Variants in TMTC2 observed in about 807,000 individuals in gnomAD.
The protein encoded by TMTC2 is transmembrane O-mannosyltransferase targeting cadherins 2, also known as protein O-mannosyl-transferase TMTC2.
A neutral mutation model predicts 82.4 loss-of-function variants in TMTC2; 43 were observed. The ratio of observed to expected loss-of-function variants is 0.52; its 90% confidence interval spans 0.41 to 0.67. TMTC2 has a LOEUF of 0.67. Ranked by LOEUF, TMTC2 falls within the 30% of genes least tolerant of loss-of-function variation. The pLI, the probability that TMTC2 is intolerant of heterozygous loss-of-function variation, is 0.00. For missense variants in TMTC2, 919 were observed against 1,012.4 expected, an observed-to-expected ratio of 0.91 and a Z score of 1.25; for synonymous variants, 408 against 381.9, an observed-to-expected ratio of 1.07 and a Z score of -0.80.
intron 1 of TMTC2, among the ~76,000 whole-genome samples, chr12:82,793,656 CCTT>C (rs752712584): frequency 6.6e-6 from 1 of 151,976 alleles, no homozygotes; most frequent in Non-Finnish European, 1.5e-5. Flanking sequence ...TTTAAAAACG[CCTT>C]CTTCCCGTGC....
intron 9 of TMTC2, among the ~76,000 whole-genome samples, chr12:83,047,301 C>T (rs1278380958): frequency 6.6e-6 from 1 of 152,146 alleles, no homozygotes; most frequent in African/African-American, 2.4e-5. Flanking sequence ...TAACATATCA[C>T]TTTAGGTTCT....
chr12:82,823,044 GC>G (rs576522694), intron 1 of TMTC2, among the ~76,000 whole-genome samples: 3 of 152,168 alleles, frequency 2.0e-5, no homozygotes, highest in Non-Finnish European at 4.4e-5. Context: ...AGTATTCTGA[GC>G]ACTTTTAACT....
intron 1 of TMTC2, among the ~76,000 whole-genome samples, chr12:82,688,700 T>A (rs1872447205): frequency 6.6e-6 from 1 of 152,158 alleles, no homozygotes. Flanking sequence ...AATTAAACCA[T>A]CCAAAAAGTG....
intron 1 of TMTC2, among the ~76,000 whole-genome samples, chr12:82,793,826 A>G (rs10746257): frequency 0.35 from 52,582 of 151,948 alleles, 9,361 homozygotes; most frequent in Middle Eastern, 0.55. Context: ...TGCAGCGTGT[A>G]AAGGCTCAGT....
chr12:83,123,811 T>C (rs1361818140), intron 11 of TMTC2, among the ~76,000 whole-genome samples: 2 of 152,216 alleles, frequency 1.3e-5, no homozygotes, highest in Non-Finnish European at 1.5e-5. Context: ...GTTCATGTCA[T>C]ATTCTCATTC....
intron 1 of TMTC2, among the ~76,000 whole-genome samples, chr12:82,703,288 G>A (rs949590713): frequency 6.6e-6 from 1 of 152,084 alleles, no homozygotes; most frequent in Non-Finnish European, 1.5e-5. Flanking sequence ...TCTATTATGA[G>A]GGGAGAAGTT....
In TMTC2 at chr12:83,108,633, A is replaced by G. The variant is rs1489791325; in HGVS notation, c.2332-23577A>G. Reference sequence around the variant, plus strand: ...TGACAGAGCTAGACTCCATCTCAAAAAAAAAAAAAAAGTGAACTACAACAC... The same window carrying G: ...TGACAGAGCTAGACTCCATCTCAAAGAAAAAAAAAAAGTGAACTACAACAC... On this transcript the variant is annotated intron_variant, in intron 11 of 11. Coordinates refer to ENST00000321196, the MANE Select transcript of TMTC2 (RefSeq NM_152588.3). Among the ~76,000 whole-genome samples, 6 of 151,866 alleles carry G rather than the reference A, an allele frequency of 4.0e-5. No individual in the cohort carries two copies. In the East Asian group the frequency reaches 9.6e-4, roughly 24 times the overall value.
chr12:82,965,613 G>GC lies in TMTC2; in HGVS notation c.1741dup (p.Arg581ProfsTer13). 4 of 1,613,706 alleles carry GC rather than the reference G, an allele frequency of 2.5e-6. No individual in the cohort carries two copies. The highest frequency in any genetic ancestry group is 3.4e-6 in the Non-Finnish European group (4 of 1,179,744). On this transcript the variant is annotated frameshift_variant, in exon 6 of 12. Transcript: ENST00000321196. LOFTEE classifies it high-confidence loss of function. Reference sequence around the variant, plus strand: ...AATGAACCAAGGAAGGACGGAAGAAGCCCGACGGACATTCTTAAAGTGTTC... The same window carrying GC: ...AATGAACCAAGGAAGGACGGAAGAAGCCCCGACGGACATTCTTAAAGTGTTC...
chr12:82,922,168 G>T (rs953933262), intron 3 of TMTC2, among the ~76,000 whole-genome samples: 5 of 152,114 alleles, frequency 3.3e-5, no homozygotes, highest in Middle Eastern at 6.8e-3. Flanking sequence ...AGAACTTGGA[G>T]AATTTTATTT....
intron 1 of TMTC2, among the ~76,000 whole-genome samples, chr12:82,705,593 A>T (rs567523878): frequency 6.6e-6 from 1 of 152,324 alleles, no homozygotes; most frequent in Admixed American, 6.5e-5. Flanking sequence ...GAAACATTTG[A>T]ACTTCGTTTA....
intron 4 of TMTC2, among the ~76,000 whole-genome samples, chr12:82,947,590 A>G (rs1444254001): frequency 2.6e-5 from 4 of 151,950 alleles, no homozygotes; most frequent in Non-Finnish European, 4.4e-5. Context: ...TCGGCCTCCC[A>G]AAGTGCTGGG....
intron 7 of TMTC2, among the ~76,000 whole-genome samples, chr12:82,977,650 C>T (rs2137323108): frequency 6.6e-6 from 1 of 151,746 alleles, no homozygotes. Flanking sequence ...TGATACATAT[C>T]TCCATGATAT....
chr12:82,823,720 G>A (rs1415611410), intron 1 of TMTC2, among the ~76,000 whole-genome samples: 1 of 152,050 alleles, frequency 6.6e-6, no homozygotes, highest in East Asian at 1.9e-4. Flanking sequence ...AAAACCCCAG[G>A]TAACCCTGTT....
chr12:83,095,280 G>A (rs547753041), intron 11 of TMTC2, among the ~76,000 whole-genome samples: 6 of 147,052 alleles, frequency 4.1e-5, no homozygotes, highest in Non-Finnish European at 7.4e-5. Context: ...TCGCTTTGTC[G>A]CCCAGGCTGG....
At chr12:82,908,236 A>G (rs1874430316) in intron 3 of TMTC2, among the ~76,000 whole-genome samples, 1 of 152,166 alleles carries the variant, frequency 6.6e-6, no homozygotes, top group South Asian at 2.1e-4. Context: ...TACTACTGAA[A>G]TATCTATTCT....
chr12:83,001,467 G>T (rs894366650), intron 8 of TMTC2, among the ~76,000 whole-genome samples: 2 of 78,308 alleles, frequency 2.6e-5, no homozygotes, highest in African/African-American at 6.6e-5. Context: ...GAGTAACCCC[G>T]TCTCTACTAA....
intron 8 of TMTC2, among the ~76,000 whole-genome samples, chr12:83,002,093 A>G (rs1430350991): frequency 1.3e-5 from 2 of 152,148 alleles, no homozygotes; most frequent in African/African-American, 4.8e-5. Context: ...TTGTCTGTGA[A>G]TCCATCCAGT....
intron 7 of TMTC2, among the ~76,000 whole-genome samples, chr12:82,983,658 G>A (rs1023700876): frequency 1.2e-4 from 18 of 152,108 alleles, no homozygotes; most frequent in African/African-American, 4.3e-4. Context: ...AAAAGTAGAA[G>A]CTATATTAAA....
chr12:82,693,707 C>T lies in TMTC2; in HGVS notation c.83+6038C>T, dbSNP rs1355740381. On this transcript the variant is annotated intron_variant, in intron 1 of 11. Coordinates refer to ENST00000321196, the MANE Select transcript of TMTC2 (RefSeq NM_152588.3). ...AGGTGTGGCCGGGCGCGGTGGCTCA[C>T]GCCTGTAATCCTAGCACTTTGGGAG... is the stretch of plus-strand genomic sequence containing the variant. Among the ~76,000 whole-genome samples the T allele has an allele frequency of 3.3e-5, 5 of 151,334 alleles. No individual in the cohort carries two copies. The South Asian group carries it at 8.4e-4, about 25-fold the overall frequency.
Sources: allele counts gnomAD v4.1 joint callset (sites outside exome capture counted in the v4.1 genomes callset), GRCh38; gene constraint gnomAD v4.1.1; transcripts MANE v1.5; gene names NCBI Gene and HGNC (gene_info 2026-07-23, HGNC 2026-07-21).